TENT4B: variants seen among roughly 807,000 people sequenced by gnomAD.
TENT4B encodes the protein PAP associated domain containing 5.
TENT4B carries 10 observed loss-of-function variants against 75.0 expected under a neutral mutation model. That is an observed-to-expected ratio of 0.13 (90% confidence interval 0.08 to 0.23). TENT4B has a LOEUF of 0.23. TENT4B is among the 10% of genes least tolerant of loss of function. The pLI is 1.00. For synonymous variants in TENT4B, 350 were observed against 357.7 expected (o/e 0.98, Z 0.24); for missense variants, 579 against 893.8 (o/e 0.65, Z 4.49).
chr16:50,156,959 G>A (rs1443493083), intron 1 of TENT4B, among the ~76,000 whole-genome samples: 1 of 152,080 alleles, frequency 6.6e-6, no homozygotes, highest in Non-Finnish European at 1.5e-5. Flanking sequence ...ATTCTCGCCA[G>A]TATCCTTATT....
At chr16:50,219,365 G>C (rs1007720852) in intron 5 of TENT4B, among the ~76,000 whole-genome samples, 4 of 152,164 alleles carry the variant, frequency 2.6e-5, no homozygotes, top group African/African-American at 9.6e-5. Context: ...TTAATGTTTT[G>C]GAGGTTTCTT....
At chr16:50,217,306 T>C (rs990807778) in intron 4 of TENT4B, among the ~76,000 whole-genome samples, 2 of 152,146 alleles carry the variant, frequency 1.3e-5, no homozygotes, top group Non-Finnish European at 2.9e-5. Flanking sequence ...AATAAAAAAT[T>C]GGACACCAAA....
At chr16:50,229,120 G>C (rs2032183638) in intron 11 of TENT4B, 32 bp from the exon 12 acceptor site, 1 of 1,607,290 alleles carries the variant, frequency 6.2e-7, no homozygotes, top group South Asian at 1.1e-5. Context: ...CTGCAATACT[G>C]ATGTCTTTGT....
At position 50,229,364 on chromosome 16, in the gene TENT4B, T is replaced by C. The variant is rs1175098764; in HGVS notation, c.*36T>C. 1.3e-6 allele frequency: 2 copies of C among 1,583,902 alleles called. No individual in the cohort carries two copies. Among genetic ancestry groups the C allele is most frequent in the Non-Finnish European group, 1.7e-6 (2 of 1,166,496 alleles). ...GCGGTGGACTGTCTTCTCTGTGCAA[T>C]GATCTCATGCTCAGGACAGTTGCGC... On this transcript the variant is annotated 3_prime_UTR_variant, in exon 12 of 12. Coordinates refer to ENST00000561678, the MANE Select transcript of TENT4B (RefSeq NM_001365324.3).
Position 50,229,854 on chromosome 16 carries a change from T to C in TENT4B, c.*526T>C, listed in dbSNP as rs1459588183. 2.2e-6 allele frequency: 2 copies of C among 905,606 alleles called. No homozygotes were observed. Among genetic ancestry groups the C allele is most frequent in the Non-Finnish European group, 2.6e-6 (2 of 757,208 alleles). 56.1% of individuals were successfully genotyped at this position (905,606 alleles called of 1,614,324 possible). A position where few individuals can be genotyped will look rare whatever the true frequency, so the allele number is the denominator to read the frequency against. Reference sequence around the variant, plus strand: ...ATATATAGAAGACCATATAGGAGATTGATATTTGTAATAGTGGATTTGTTA... The same window carrying C: ...ATATATAGAAGACCATATAGGAGATCGATATTTGTAATAGTGGATTTGTTA... On this transcript the variant is annotated 3_prime_UTR_variant, in exon 12 of 12. Transcript: ENST00000561678.
chr16:50,209,840 TTC>T (rs534685596), intron 1 of TENT4B, among the ~76,000 whole-genome samples: 34 of 152,354 alleles, frequency 2.2e-4, no homozygotes, highest in African/African-American at 8.2e-4. Context: ...CAGTCACATT[TTC>T]ACTTTCTAAG....
Position 50,229,428 on chromosome 16 carries a change from C to G in TENT4B, c.*100C>G. Reference sequence around the variant, plus strand: ...AGATATTCAGGAGCCTCACACTGTTCAGACGTTGACTTAGCAACTGCGTTT... The same window carrying G: ...AGATATTCAGGAGCCTCACACTGTTGAGACGTTGACTTAGCAACTGCGTTT... On this transcript the variant is annotated 3_prime_UTR_variant, in exon 12 of 12. Transcript: ENST00000561678. 7.2e-7 allele frequency: 1 copy of G among 1,383,172 alleles called. No homozygotes were observed. Among genetic ancestry groups the G allele is most frequent in the Non-Finnish European group, 9.4e-7 (1 of 1,069,322 alleles). The allele number at this position is 1,383,172 out of a possible 1,614,324, so 85.7% of individuals were successfully genotyped here.
At chr16:50,155,893 T>G (rs1334784364) in intron 1 of TENT4B, among the ~76,000 whole-genome samples, 2 of 152,200 alleles carry the variant, frequency 1.3e-5, no homozygotes, top group East Asian at 3.8e-4. Flanking sequence ...TTAATTGCAT[T>G]TTACTGAAGC....
rs1262368665 is a variant in TENT4B, at chr16:50,235,118, A to C, written c.*5790A>C. 1 of 799,710 alleles carries C rather than the reference A, an allele frequency of 1.3e-6. No individual in the cohort carries two copies. The highest frequency in any genetic ancestry group is 1.3e-4 in the East Asian group (1 of 7,926). The allele number at this position is 799,710 out of a possible 1,614,324, so 49.5% of individuals were successfully genotyped here. A position where few individuals can be genotyped will look rare whatever the true frequency, so the allele number is the denominator to read the frequency against. ...CCGTATCACTGGGCAACCAGTGATG[A>C]AAACTATGAATGAATTGCACACCTG... On this transcript the variant is annotated 3_prime_UTR_variant, in exon 12 of 12. Transcript: ENST00000561678.
chr16:50,159,846 A>G (rs766049104), intron 1 of TENT4B, among the ~76,000 whole-genome samples: 1 of 152,148 alleles, frequency 6.6e-6, no homozygotes, highest in Non-Finnish European at 1.5e-5. Flanking sequence ...GAATGTCTCA[A>G]AATTTAGTAT....
At chr16:50,225,384 A>C in intron 10 of TENT4B, 99 bp downstream of exon 10, 1 of 1,060,122 alleles carries the variant, frequency 9.4e-7, no homozygotes, top group East Asian at 2.4e-5. Context: ...TCCTTTGCTT[A>C]CATGTTACTG....
chr16:50,224,571 C>T (rs999809717), intron 7 of TENT4B, 86 bp from the exon 8 acceptor site: 45 of 1,535,106 alleles, frequency 2.9e-5, no homozygotes, highest in African/African-American at 8.2e-5. Flanking sequence ...TAACTATGGC[C>T]CTTGCTCTCC....
At chr16:50,164,083 G>A (rs2038053248) in intron 1 of TENT4B, among the ~76,000 whole-genome samples, 1 of 152,030 alleles carries the variant, frequency 6.6e-6, no homozygotes, top group Non-Finnish European at 1.5e-5. Flanking sequence ...CTTGAACCCG[G>A]CCGGTGGAGG....
chr16:50,154,567 C>G (rs1208110384), intron 1 of TENT4B, among the ~76,000 whole-genome samples: 1 of 151,564 alleles, frequency 6.6e-6, no homozygotes, highest in Non-Finnish European at 1.5e-5. Flanking sequence ...TCCTCCCATC[C>G]CCCTTAGTTA....
At position 50,168,630 on chromosome 16, in the gene TENT4B, A is replaced by G. The variant is rs1379717912; in HGVS notation, c.638+14371A>G. Among the ~76,000 whole-genome samples the G allele has an allele frequency of 2.0e-5, 3 of 150,412 alleles. No individual in the cohort carries two copies. The East Asian group carries it at 5.9e-4, about 30-fold the overall frequency. On this transcript the variant is annotated intron_variant, in intron 1 of 11. Transcript: ENST00000561678. The stretch of plus-strand genomic sequence containing the variant: ...TGCCTGGACCTCCCACATTATTTTG[A>G]AACAAATTCCATATCACATAATTTC...
intron 10 of TENT4B, among the ~76,000 whole-genome samples, chr16:50,227,032 G>A (rs1191045080): frequency 6.6e-6 from 1 of 152,178 alleles, no homozygotes; most frequent in Non-Finnish European, 1.5e-5. Context: ...AATTTGTAGT[G>A]TACTGATTTG....
rs138022262 is a variant in TENT4B at position 50,166,813 on chromosome 16, A to G, written c.638+12554A>G. 4.3e-4 allele frequency among the ~76,000 whole-genome samples: 55 copies of G among 128,388 alleles called. 1 individual carries two copies. In the East Asian group the frequency reaches 0.011, roughly 26 times the overall value. The allele number at this position is 128,388 out of a possible 152,430, so 84.2% of individuals were successfully genotyped here. A position where few individuals can be genotyped will look rare whatever the true frequency, so the allele number is the denominator to read the frequency against. ...TTTTTTTTTTTTTTTGTATTTTAGT[A>G]TAGACAGAGTCTCACCTTATTGCCC... On this transcript the variant is annotated intron_variant, in intron 1 of 11. Transcript: ENST00000561678.
At chr16:50,153,185 G>T (rs1281326413), upstream of TENT4B, among the ~76,000 whole-genome samples, 2 of 78,124 alleles carry the variant, frequency 2.6e-5, no homozygotes, top group Non-Finnish European at 5.6e-5. Flanking sequence ...CGGGGCGGTG[G>T]GGGGGGGGGG....
At chr16:50,188,723 G>A (rs989747186) in intron 1 of TENT4B, among the ~76,000 whole-genome samples, 2 of 152,130 alleles carry the variant, frequency 1.3e-5, no homozygotes, top group Non-Finnish European at 2.9e-5. Context: ...ACTGTGGCCT[G>A]TGCCTGTATT....
Sources: gnomAD v4.1 joint callset for allele counts (sites outside exome capture counted in the v4.1 genomes callset) on GRCh38, gnomAD v4.1.1 for gene constraint, MANE v1.5 for transcripts, NCBI Gene and HGNC (gene_info 2026-07-23, HGNC 2026-07-21) for gene names.